RIMS1: variants seen among roughly 807,000 people sequenced by gnomAD.
RIMS1 encodes the protein regulating synaptic membrane exocytosis protein 1.
Under a neutral mutation model 214.1 loss-of-function variants are expected in RIMS1, and 83 were observed. The observed-to-expected ratio is 0.39, with a 90% confidence interval of 0.32 to 0.47. The LOEUF is 0.47. Among genes scored for constraint, RIMS1 ranks in the 20% least tolerant of loss-of-function variants. RIMS1 has a pLI of 0.99. For synonymous variants in RIMS1, 793 were observed against 786.8 expected, an observed-to-expected ratio of 1.01 and a Z score of -0.13; for missense variants, 2,050 against 2,161.8, an observed-to-expected ratio of 0.95 and a Z score of 1.03.
At position 72,048,850 on chromosome 6, in the gene RIMS1, C is replaced by T. The variant is rs542089232; in HGVS notation, c.246-48099C>T. Among the ~76,000 whole-genome samples, 12 of 152,222 alleles carry T rather than the reference C, an allele frequency of 7.9e-5. No homozygotes were observed. In the East Asian group the frequency reaches 2.1e-3, roughly 27 times the overall value. The stretch of plus-strand genomic sequence containing the variant: ...GGGGTGGACTGCAGTCTGTATAAGC[C>T]CTACCATGTGTTGGCTTTTTGCCCC... On this transcript the variant is annotated intron_variant, in intron 2 of 33. Coordinates refer to ENST00000521978, the MANE Select transcript of RIMS1 (RefSeq NM_014989.7).
chr6:72,078,493 G>T (rs1199045658), intron 2 of RIMS1, among the ~76,000 whole-genome samples: 1 of 151,928 alleles, frequency 6.6e-6, no homozygotes, highest in Non-Finnish European at 1.5e-5. Flanking sequence ...TATTGGCAAG[G>T]ATACTTATCC....
At chr6:71,926,866 AG>A (rs1372856866) in intron 1 of RIMS1, among the ~76,000 whole-genome samples, 1 of 152,186 alleles carries the variant, frequency 6.6e-6, no homozygotes, top group Non-Finnish European at 1.5e-5. Context: ...CAGAGATAAT[AG>A]GCATTGTGCG....
chr6:72,225,053 G>T (rs760448969), intron 6 of RIMS1, among the ~76,000 whole-genome samples: 4 of 152,052 alleles, frequency 2.6e-5, no homozygotes, highest in African/African-American at 4.8e-5. Flanking sequence ...GTCCTTTAAT[G>T]TATCTATAAA....
At chr6:72,021,000 T>C (rs1216358865) in intron 2 of RIMS1, among the ~76,000 whole-genome samples, 4 of 152,236 alleles carry the variant, frequency 2.6e-5, no homozygotes, top group Non-Finnish European at 1.5e-5. Flanking sequence ...AGATATTCCA[T>C]ATTCATTTTC....
At chr6:72,031,007 C>T (rs1015975124) in intron 2 of RIMS1, among the ~76,000 whole-genome samples, 1 of 152,114 alleles carries the variant, frequency 6.6e-6, no homozygotes, top group Admixed American at 6.6e-5. Flanking sequence ...CATGTGAAGG[C>T]TTTGAGGTCT....
chr6:72,167,643 A>G (rs536120268), intron 4 of RIMS1, among the ~76,000 whole-genome samples: 1 of 152,178 alleles, frequency 6.6e-6, no homozygotes, highest in Non-Finnish European at 1.5e-5. Flanking sequence ...TCGGGTTTTC[A>G]GTTTCTTTTT....
chr6:72,019,839 A>T (rs1585037097), intron 2 of RIMS1, among the ~76,000 whole-genome samples: 1 of 152,120 alleles, frequency 6.6e-6, no homozygotes, highest in Admixed American at 6.6e-5. Context: ...TTTTTTCCCC[A>T]CATAGGCATG....
chr6:71,983,170 C>T (rs1798922824), intron 2 of RIMS1, among the ~76,000 whole-genome samples: 1 of 123,860 alleles, frequency 8.1e-6, no homozygotes, highest in South Asian at 2.7e-4. Flanking sequence ...TACCTGCCTT[C>T]CTAGAGCACA....
intron 19 of RIMS1, chr6:72,262,683 G>A (rs2078579337): frequency 5.9e-6 from 5 of 844,530 alleles, no homozygotes; most frequent in Non-Finnish European, 7.1e-6. Flanking sequence ...ATGTCAAAAT[G>A]TGTACATATA....
chr6:72,047,852 T>G (rs1271238705), intron 2 of RIMS1, among the ~76,000 whole-genome samples: 1 of 152,224 alleles, frequency 6.6e-6, no homozygotes, highest in Non-Finnish European at 1.5e-5. Context: ...GGATACTGCT[T>G]GGGACTATTC....
At position 72,260,784 on chromosome 6, in the gene RIMS1, G is replaced by A. The variant is rs764862311; in HGVS notation, c.3116+17G>A. 1 of 1,611,040 alleles carries A rather than the reference G, an allele frequency of 6.2e-7. No homozygotes were observed. The highest frequency in any genetic ancestry group is 8.5e-7 in the Non-Finnish European group (1 of 1,178,288). On this transcript the variant is annotated intron_variant, in intron 19 of 33. Coordinates refer to ENST00000521978, the MANE Select transcript of RIMS1 (RefSeq NM_014989.7). Reference sequence around the variant, plus strand: ...TACTACCAGGTAAATACAGGGATTTGGTAATGGTGACTGTGTGTGATGACT... The same window carrying A: ...TACTACCAGGTAAATACAGGGATTTAGTAATGGTGACTGTGTGTGATGACT...
chr6:72,244,799 G>T (rs1025170119), intron 10 of RIMS1, among the ~76,000 whole-genome samples: 6 of 151,856 alleles, frequency 4.0e-5, no homozygotes, highest in Non-Finnish European at 7.4e-5. Flanking sequence ...AATGACAACT[G>T]CAGAGAACAA....
chr6:72,019,020 G>A (rs1300396484), intron 2 of RIMS1, among the ~76,000 whole-genome samples: 1 of 152,112 alleles, frequency 6.6e-6, no homozygotes, highest in Non-Finnish European at 1.5e-5. Context: ...CTAAGAGGCG[G>A]CAGTGTGATT....
intron 2 of RIMS1, among the ~76,000 whole-genome samples, chr6:71,992,071 G>GA (rs1187695657): frequency 1.3e-5 from 2 of 149,106 alleles, no homozygotes; most frequent in African/African-American, 4.9e-5. Flanking sequence ...TCTCAAAAAA[G>GA]AAAAAGAAAA....
intron 1 of RIMS1, among the ~76,000 whole-genome samples, chr6:71,963,068 A>C (rs959480859): frequency 6.6e-6 from 1 of 152,188 alleles, no homozygotes; most frequent in African/African-American, 2.4e-5. Context: ...GGATGATTTG[A>C]ATACTTTCAT....
At chr6:72,218,481 C>T (rs1028238594) in intron 6 of RIMS1, among the ~76,000 whole-genome samples, 2 of 152,202 alleles carry the variant, frequency 1.3e-5, no homozygotes, top group African/African-American at 4.8e-5. Context: ...CCACCTTCCA[C>T]TGGCAAAAAT....
In RIMS1 at chr6:72,329,331, G is replaced by A. The variant is rs114300956; in HGVS notation, c.4131-4269G>A. Among the ~76,000 whole-genome samples the A allele has an allele frequency of 5.0e-3, 764 of 151,876 alleles. 4 individuals are homozygous for A. Among genetic ancestry groups the A allele is most frequent in the African/African-American group, 0.017 (725 of 41,490 alleles). ...GCTTTAATTAATTAGTGAGAAAACC[G>A]ACAGTATAACAAGCTGTTTCCAAAG... is the stretch of plus-strand genomic sequence containing the variant. On this transcript the variant is annotated intron_variant, in intron 28 of 33. Transcript: ENST00000521978.
At chr6:72,313,367 G>A in intron 27 of RIMS1, 139 bp from the exon 28 acceptor site, 1 of 632,470 alleles carries the variant, frequency 1.6e-6, no homozygotes, top group Non-Finnish European at 2.7e-6. Flanking sequence ...GGTAGTATTT[G>A]GATTATTTTA....
chr6:71,921,698 A>G (rs1299334904), intron 1 of RIMS1, among the ~76,000 whole-genome samples: 2 of 152,222 alleles, frequency 1.3e-5, no homozygotes, highest in Non-Finnish European at 2.9e-5. Context: ...TTCAAAATCT[A>G]AACTTTGTAT....
Sources: allele counts gnomAD v4.1 joint callset (sites outside exome capture counted in the v4.1 genomes callset), GRCh38; gene constraint gnomAD v4.1.1; transcripts MANE v1.5; gene names NCBI Gene and HGNC (gene_info 2026-07-23, HGNC 2026-07-21).